MAP4K5: variants seen among roughly 807,000 people sequenced by gnomAD.
MAP4K5 encodes MAPK/ERK kinase kinase kinase 5.
MAP4K5 carries 82 observed loss-of-function variants against 135.6 expected under a neutral mutation model. The ratio of observed to expected loss-of-function variants is 0.60; its 90% CI spans 0.51 to 0.73. MAP4K5 has a LOEUF of 0.73. MAP4K5 is among the 30% of genes least tolerant of loss of function. MAP4K5 has a pLI of 0.00. For synonymous variants in MAP4K5, 347 were observed against 335.0 expected (o/e 1.04, Z -0.39); for missense variants, 907 against 1,010.9 (o/e 0.90, Z 1.39).
intron 1 of MAP4K5, among the ~76,000 whole-genome samples, chr14:50,543,078 A>C (rs987805489): frequency 1.3e-5 from 2 of 152,264 alleles, no homozygotes; most frequent in Non-Finnish European, 2.9e-5. Context: ...CCATCTCGAT[A>C]GTTATACAAG....
intron 5 of MAP4K5, among the ~76,000 whole-genome samples, chr14:50,483,770 T>C (rs2037304158): frequency 6.7e-6 from 1 of 149,974 alleles, no homozygotes; most frequent in Non-Finnish European, 1.5e-5. Flanking sequence ...TCTCATTTTA[T>C]AAAAATGTGA....
intron 21 of MAP4K5, among the ~76,000 whole-genome samples, chr14:50,441,229 C>T (rs1160132764): frequency 1.3e-5 from 2 of 152,082 alleles, no homozygotes; most frequent in Non-Finnish European, 1.5e-5. Flanking sequence ...TAATTATAAA[C>T]ATAATCTCAG....
intron 28 of MAP4K5, among the ~76,000 whole-genome samples, chr14:50,432,569 A>ACC (rs1566636044): frequency 1.5e-4 from 23 of 149,202 alleles, no homozygotes; most frequent in South Asian, 2.1e-4. Flanking sequence ...AAAAAAAAAA[A>ACC]AAAAAAACAA....
chr14:50,420,373 G>A (rs2035698315), intron 32 of MAP4K5, among the ~76,000 whole-genome samples: 1 of 152,130 alleles, frequency 6.6e-6, no homozygotes, highest in Non-Finnish European at 1.5e-5. Context: ...GCTCACACCT[G>A]TAATCCCAGA....
In MAP4K5 at chr14:50,485,647, T is replaced by C; in HGVS notation, c.258-5A>G. 17 of 1,517,716 alleles carry C rather than the reference T, an allele frequency of 1.1e-5. No homozygotes were observed. The highest frequency in any genetic ancestry group is 1.5e-5 in the Non-Finnish European group (17 of 1,122,796). 94.0% of individuals were successfully genotyped at this position (1,517,716 alleles called of 1,614,324 possible). ...CAAATCCATAGTTTTTCCCGACTAA[T>C]ACAAAAAAAAAAGAAAATTATATTA... On this transcript the variant is annotated splice_region_variant and splice_polypyrimidine_tract_variant and intron_variant, in intron 4 of 32. Transcript: ENST00000682126.
chr14:50,460,403 G>C (rs868160354), intron 13 of MAP4K5, among the ~76,000 whole-genome samples: 2 of 152,114 alleles, frequency 1.3e-5, no homozygotes, highest in East Asian at 1.9e-4. Context: ...AGAGAATTCA[G>C]AAAGTAGAGT....
chr14:50,497,484 A>G (rs2037619007), intron 3 of MAP4K5, among the ~76,000 whole-genome samples: 1 of 152,228 alleles, frequency 6.6e-6, no homozygotes, highest in African/African-American at 2.4e-5. Flanking sequence ...TGAAAAGAAC[A>G]TACCACGTAA....
chr14:50,532,250 C>T lies in MAP4K5; in HGVS notation c.-109-92G>A, dbSNP rs2038411685. 5.7e-6 allele frequency: 3 copies of T among 527,112 alleles called. No individual in the cohort carries two copies. The South Asian group carries it at 7.4e-5, about 13-fold the overall frequency. The allele number at this position is 527,112 out of a possible 1,614,324, so 32.7% of individuals were successfully genotyped here. ...GCGGCCCGGCCCCTTCCCTTCCGTC[C>T]CGCCAGGGGCCGTGGAAGAGAAAGG... On this transcript the variant is annotated intron_variant, in intron 1 of 32. Coordinates refer to ENST00000682126, the MANE Select transcript of MAP4K5 (RefSeq NM_006575.6).
rs996962401 is a variant in MAP4K5, at chr14:50,423,596, T to C, written c.2398-420A>G. Reference sequence around the variant, plus strand: ...GCCTGGGCAACAAAGTGAGACCCTGTATCTACAGAAGTATTTAAAAATTTT... The same window carrying C: ...GCCTGGGCAACAAAGTGAGACCCTGCATCTACAGAAGTATTTAAAAATTTT... On this transcript the variant is annotated intron_variant, in intron 31 of 32. Transcript: ENST00000682126. 2.0e-5 allele frequency among the ~76,000 whole-genome samples: 3 copies of C among 151,954 alleles called. No homozygotes were observed. The East Asian group carries it at 5.8e-4, about 29-fold the overall frequency.
chr14:50,485,557 G>A (rs766800828), intron 5 of MAP4K5, 21 bp downstream of exon 5: 10 of 1,458,794 alleles, frequency 6.9e-6, no homozygotes, highest in Non-Finnish European at 9.3e-6. Context: ...TGTTTAAAAT[G>A]TAAAGTCAAA....
chr14:50,544,335 T>C (rs886350881), intron 1 of MAP4K5, among the ~76,000 whole-genome samples: 8 of 152,200 alleles, frequency 5.3e-5, no homozygotes, highest in Admixed American at 2.0e-4. Flanking sequence ...ACCACAATTT[T>C]GTTGACCTCT....
chr14:50,446,139 T>C lies in MAP4K5; in HGVS notation c.1143-18A>G. 6.5e-7 allele frequency: 1 copy of C among 1,537,028 alleles called. No homozygotes were observed. Among genetic ancestry groups the C allele is most frequent in the South Asian group, 1.2e-5 (1 of 81,592 alleles). ...AGGTTGATCTAATACAAAGAAGAAA[T>C]GCAATTTAGATGATGATAAATGACC... On this transcript the variant is annotated intron_variant, in intron 16 of 32. Transcript: ENST00000682126.
intron 1 of MAP4K5, among the ~76,000 whole-genome samples, chr14:50,550,090 C>T (rs185941063): frequency 2.6e-5 from 4 of 152,214 alleles, no homozygotes; most frequent in African/African-American, 7.2e-5. Context: ...GATAAGTGAT[C>T]CCAGCTGTAC....
rs2035774894 is a variant in MAP4K5 at position 50,423,334 on chromosome 14, T to G, written c.2398-158A>C. Among the ~76,000 whole-genome samples the G allele has an allele frequency of 3.3e-5, 5 of 151,544 alleles. No homozygotes were observed. The South Asian group carries it at 1.0e-3, about 32-fold the overall frequency. ...TTTTAGTAAGTTTTTTGATTGCATA[T>G]TATTAGAAATGAACCCACATTTATG... On this transcript the variant is annotated intron_variant, in intron 31 of 32. Transcript: ENST00000682126.
At chr14:50,513,665 A>C (rs1386229934) in intron 2 of MAP4K5, among the ~76,000 whole-genome samples, 1 of 152,082 alleles carries the variant, frequency 6.6e-6, no homozygotes, top group Non-Finnish European at 1.5e-5. Context: ...AAGAAAAATG[A>C]AAAAGCTCCT....
At position 50,419,145 on chromosome 14, in the gene MAP4K5, A is replaced by C. The variant is rs915348533; in HGVS notation, c.*874T>G. 8 of 152,148 alleles carry C rather than the reference A, an allele frequency of 5.3e-5. No individual in the cohort carries two copies. The highest frequency in any genetic ancestry group is 1.0e-4 in the Non-Finnish European group (7 of 68,002). The allele number at this position is 152,148 out of a possible 1,614,324, so 9.4% of individuals were successfully genotyped here. A position where few individuals can be genotyped will look rare whatever the true frequency, so the allele number is the denominator to read the frequency against. ...ACATTAGGGATGATAATATATATGA[A>C]GATTAATTCCTTATGCATTATCCCT... On this transcript the variant is annotated 3_prime_UTR_variant, in exon 33 of 33. Transcript: ENST00000682126.
rs1595514255 is a variant in MAP4K5 at position 50,497,013 on chromosome 14, T to C, written c.166+7787A>G. Among the ~76,000 whole-genome samples, 3 of 152,282 alleles carry C rather than the reference T, an allele frequency of 2.0e-5. No individual in the cohort carries two copies. The East Asian group carries it at 5.8e-4, about 29-fold the overall frequency. On this transcript the variant is annotated intron_variant, in intron 3 of 32. Transcript: ENST00000682126. ...AGATACATTTCTGAAGTTTATGAAA[T>C]AATGTTAAAGATAGTTATCAAAACG...
In MAP4K5 at chr14:50,466,566, T is replaced by G. The variant is rs542941744; in HGVS notation, c.737+17A>C. 1.6e-6 allele frequency: 2 copies of G among 1,253,520 alleles called. No individual in the cohort carries two copies. The highest frequency in any genetic ancestry group is 2.3e-6 in the Non-Finnish European group (2 of 878,240). The allele number at this position is 1,253,520 out of a possible 1,614,324, so 77.6% of individuals were successfully genotyped here. ...TCGATTGTAAAATTCTATAAAACTA[T>G]ATATTCTTTAACTCACCATTTTGTT... On this transcript the variant is annotated intron_variant, in intron 11 of 32. Transcript: ENST00000682126.
chr14:50,549,688 A>G (rs887290387), intron 1 of MAP4K5, among the ~76,000 whole-genome samples: 31 of 152,184 alleles, frequency 2.0e-4, no homozygotes, highest in Non-Finnish European at 3.8e-4. Flanking sequence ...CACGATATCC[A>G]ACACTGGGCA....
Sources: gnomAD v4.1 joint callset for allele counts (sites outside exome capture counted in the v4.1 genomes callset) on GRCh38, gnomAD v4.1.1 for gene constraint, MANE v1.5 for transcripts, NCBI Gene and HGNC (gene_info 2026-07-23, HGNC 2026-07-21) for gene names.